Variants in CEP350 observed in about 807,000 individuals in gnomAD.
The protein encoded by CEP350 is centrosomal protein 350.
CEP350 carries 126 observed loss-of-function variants against 331.8 expected under a neutral mutation model. The ratio of observed to expected loss-of-function variants is 0.38; its 90% CI spans 0.33 to 0.44. The LOEUF is 0.44. CEP350 is among the 20% of genes least tolerant of loss of function. The pLI is 1.00. For missense variants in CEP350, 3,406 were observed against 3,634.6 expected, an observed-to-expected ratio of 0.94 and a Z score of 1.62; for synonymous variants, 1,200 against 1,259.5, an observed-to-expected ratio of 0.95 and a Z score of 1.00.
intron 12 of CEP350, among the ~76,000 whole-genome samples, chr1:180,021,382 G>A (rs992175322): frequency 3.3e-5 from 5 of 152,168 alleles, no homozygotes; most frequent in Admixed American, 2.6e-4. Flanking sequence ...AACCAGGCGC[G>A]GTGGCTCATG....
At chr1:179,986,122 A>T in intron 1 of CEP350, 47 bp from the exon 2 acceptor site, 1 of 1,396,894 alleles carries the variant, frequency 7.2e-7, no homozygotes, top group East Asian at 2.5e-5. Context: ...TCTAAGGAAA[A>T]GTAATATTAT....
chr1:180,043,230 T>G (rs916984429), intron 20 of CEP350, 38 bp downstream of exon 20: 4 of 1,563,362 alleles, frequency 2.6e-6, no homozygotes, highest in Non-Finnish European at 3.5e-6. Context: ...ATAATGACTG[T>G]CTGTTAGGTT....
chr1:179,984,370 AGG>A (rs1258842497), intron 1 of CEP350, among the ~76,000 whole-genome samples: 4 of 152,210 alleles, frequency 2.6e-5, no homozygotes, highest in African/African-American at 9.6e-5. Context: ...TCAGGATGTC[AGG>A]TAGAGCTGTA....
In CEP350 at chr1:180,094,226, A is replaced by G; in HGVS notation, c.8121A>G (p.Leu2707=). The change falls in exon 34 of 38, where the codon CTA becomes CTG. Residue 2707 remains leucine (L), a synonymous_variant. Transcript: ENST00000367607. Reference sequence around the variant, plus strand: ...AGTTTACAGAAGAGGAAGACAACCTATATGCTGAAGCTTCAGAAAAGCTTT... The same window carrying G: ...AGTTTACAGAAGAGGAAGACAACCTGTATGCTGAAGCTTCAGAAAAGCTTT... ...QQQFTEEEDN[L]YAEASEKLCT... The G allele has an allele frequency of 6.2e-7, 1 of 1,613,176 alleles. No homozygotes were observed. Among genetic ancestry groups the G allele is most frequent in the Non-Finnish European group, 8.5e-7 (1 of 1,179,534 alleles).
intron 36 of CEP350, among the ~76,000 whole-genome samples, chr1:180,097,234 A>G (rs1469048051): frequency 6.6e-6 from 1 of 152,276 alleles, no homozygotes; most frequent in Non-Finnish European, 1.5e-5. Context: ...AGTTGTTTAC[A>G]TGTTACAACT....
At chr1:179,994,215 T>TGG (rs141578925) in intron 5 of CEP350, among the ~76,000 whole-genome samples, 3 of 151,920 alleles carry the variant, frequency 2.0e-5, no homozygotes, top group Non-Finnish European at 4.4e-5. Context: ...TACTTTTTGT[T>TGG]GGGGGGGTGT....
chr1:179,960,062 CA>C (rs1299225784), intron 1 of CEP350, among the ~76,000 whole-genome samples: 1 of 152,072 alleles, frequency 6.6e-6, no homozygotes, highest in Non-Finnish European at 1.5e-5. Flanking sequence ...ATACTAAAAA[CA>C]AGATAATTAC....
At chr1:180,049,391 T>C (rs556060520) in intron 22 of CEP350, among the ~76,000 whole-genome samples, 26 of 152,324 alleles carry the variant, frequency 1.7e-4, no homozygotes, top group Middle Eastern at 3.4e-3. Flanking sequence ...TTTTAAAATA[T>C]CATGAACAGT....
intron 14 of CEP350, among the ~76,000 whole-genome samples, chr1:180,029,489 T>C (rs937156163): frequency 6.6e-6 from 1 of 152,210 alleles, no homozygotes; most frequent in Admixed American, 6.5e-5. Context: ...ATTAATAATA[T>C]TCTGTTTTAA....
Position 180,093,155 on chromosome 1 carries a change from T to C in CEP350, c.7050T>C (p.Ile2350=). The stretch of plus-strand genomic sequence containing the variant: ...CAAACATCCAATCAGGAAAAGACAT[T>C]CACGAACAAAAGAACACAAAGGAAA... ...HSPNIQSGKD[I]HEQKNTKEKD... The change falls in exon 34 of 38, where the codon ATT becomes ATC. Residue 2350 remains isoleucine, a synonymous_variant. Transcript: ENST00000367607. The C allele has an allele frequency of 6.3e-7, 1 of 1,599,496 alleles. No homozygotes were observed. The highest frequency in any genetic ancestry group is 1.1e-5 in the South Asian group (1 of 88,740).
intron 14 of CEP350, 104 bp downstream of exon 14, chr1:180,024,686 G>A: frequency 3.1e-6 from 4 of 1,273,270 alleles, no homozygotes; most frequent in South Asian, 1.9e-5. Flanking sequence ...AATTTCTTAT[G>A]GTAATGTAAT....
intron 3 of CEP350, among the ~76,000 whole-genome samples, chr1:179,989,250 C>T (rs891359183): frequency 6.6e-6 from 1 of 151,470 alleles, no homozygotes; most frequent in Non-Finnish European, 1.5e-5. Context: ...CTCAGGAGTT[C>T]GAGATCAACC....
intron 4 of CEP350, 37 bp downstream of exon 4, chr1:179,990,658 T>TTGG: frequency 1.8e-5 from 20 of 1,131,804 alleles, no homozygotes; most frequent in Non-Finnish European, 2.3e-5. Flanking sequence ...ATACATATAT[T>TTGG]AAATATAAAT....
At chr1:180,026,826 A>G (rs939168930) in intron 14 of CEP350, among the ~76,000 whole-genome samples, 1 of 152,098 alleles carries the variant, frequency 6.6e-6, no homozygotes, top group African/African-American at 2.4e-5. Flanking sequence ...GCTGAATAAT[A>G]CTCCATGCTG....
At chr1:180,069,366 A>C (rs1658751449) in intron 27 of CEP350, among the ~76,000 whole-genome samples, 1 of 152,238 alleles carries the variant, frequency 6.6e-6, no homozygotes, top group African/African-American at 2.4e-5. Flanking sequence ...CTTCACCATT[A>C]ATCTGAATTT....
At position 179,996,959 on chromosome 1, in the gene CEP350, C is replaced by A. The variant is rs1457645793; in HGVS notation, c.802C>A (p.Gln268Lys). 5.0e-6 allele frequency: 8 copies of A among 1,613,912 alleles called. No individual in the cohort carries two copies. The highest frequency in any genetic ancestry group is 2.7e-5 in the African/African-American group (2 of 75,020). Residue 268 changes from glutamine (Q) to lysine (K), a missense_variant, in exon 6 of 38, where the codon CAA becomes AAA. Transcript: ENST00000367607. Reference protein sequence around the residue: ...SPSSTSTSNSQRLDILKRRQH... With the variant: ...SPSSTSTSNSKRLDILKRRQH... Reference sequence around the variant, plus strand: ...ATCCTCTACTAGTACTTCTAATTCCCAAAGATTAGATATTCTAAAGCGGCG... The same window carrying A: ...ATCCTCTACTAGTACTTCTAATTCCAAAAGATTAGATATTCTAAAGCGGCG...
chr1:180,093,719 C>T lies in CEP350; in HGVS notation c.7614C>T (p.Asn2538=), dbSNP rs1184776907. ...AGTTAGATAAACCTGAAGGAAATAA[C>T]AATGGAACATATGATGGTATTGCAT... ...GVELDKPEGN[N]NGTYDGIAYF... Residue 2538 remains asparagine, a synonymous_variant, in exon 34 of 38, where the codon AAC becomes AAT. Transcript: ENST00000367607. 6.2e-7 allele frequency: 1 copy of T among 1,613,826 alleles called. No individual in the cohort carries two copies. Among genetic ancestry groups the T allele is most frequent in the Non-Finnish European group, 8.5e-7 (1 of 1,179,798 alleles).
At chr1:180,075,708 A>G (rs1334650497) in intron 28 of CEP350, among the ~76,000 whole-genome samples, 1 of 152,160 alleles carries the variant, frequency 6.6e-6, no homozygotes, top group African/African-American at 2.4e-5. Flanking sequence ...TAATCTTAGC[A>G]CTTTGGGAGT....
At chr1:180,096,305 T>A in intron 36 of CEP350, 121 bp downstream of exon 36, 1 of 1,060,910 alleles carries the variant, frequency 9.4e-7, no homozygotes, top group South Asian at 2.3e-5. Flanking sequence ...CAGGACCTGT[T>A]CCATAGTGGG....
Sources: gnomAD v4.1 joint callset for allele counts (sites outside exome capture counted in the v4.1 genomes callset) on GRCh38, gnomAD v4.1.1 for gene constraint, MANE v1.5 for transcripts, NCBI Gene and HGNC (gene_info 2026-07-23, HGNC 2026-07-21) for gene names.